The following PALD1 variants were observed in gnomAD, a reference collection of about 807,000 sequenced individuals.
PALD1 encodes paladin.
In PALD1, 57 loss-of-function variants were observed where a neutral mutation model predicts 96.0. The observed-to-expected ratio is 0.59, with a 90% confidence interval of 0.48 to 0.74. The LOEUF is 0.74. Ranked by LOEUF, PALD1 falls within the 30% of genes least tolerant of loss-of-function variation. The pLI is 0.00. For missense variants in PALD1, 1,063 were observed against 1,143.7 expected (o/e 0.93, Z 1.02); for synonymous variants, 464 against 473.6 (o/e 0.98, Z 0.26).
intron 15 of PALD1, 31 bp from the exon 16 acceptor site, chr10:70,541,071 C>G: frequency 6.4e-7 from 1 of 1,559,510 alleles, no homozygotes; most frequent in Non-Finnish European, 8.7e-7. Flanking sequence ...AAGAGACGCC[C>G]GCTGACCCAG....
chr10:70,538,441 T>C, intron 12 of PALD1, 33 bp downstream of exon 12: 2 of 1,601,964 alleles, frequency 1.2e-6, no homozygotes, highest in Non-Finnish European at 1.7e-6. Flanking sequence ...GAAGTGGGCA[T>C]GGCTGTGTAC....
intron 1 of PALD1, among the ~76,000 whole-genome samples, chr10:70,511,049 T>G (rs1317794383): frequency 2.0e-5 from 3 of 152,136 alleles, no homozygotes; most frequent in Non-Finnish European, 2.9e-5. Flanking sequence ...CAGCCCACAG[T>G]GTAGCCTGGC....
At chr10:70,547,259 G>C (rs369788712) in intron 17 of PALD1, 47 bp from the exon 18 acceptor site, 1 of 1,593,026 alleles carries the variant, frequency 6.3e-7, no homozygotes. Context: ...TTGGGCTGAG[G>C]GCTCTTACCA....
chr10:70,567,077 T>G lies in PALD1; in HGVS notation c.*344T>G, dbSNP rs1162231964. On this transcript the variant is annotated 3_prime_UTR_variant, in exon 20 of 20. Coordinates refer to ENST00000263563, the MANE Select transcript of PALD1 (RefSeq NM_014431.3). The stretch of plus-strand genomic sequence containing the variant: ...CCCCAGTTGCCAAACACTGTGGATC[T>G]CTCTGTCCTCTTCTCCCCTCTCTCA... 5 of 234,894 alleles carry G rather than the reference T, an allele frequency of 2.1e-5. No homozygotes were observed. The highest frequency in any genetic ancestry group is 3.3e-5 in the Non-Finnish European group (4 of 122,168). The allele number at this position is 234,894 out of a possible 1,614,324, so 14.6% of individuals were successfully genotyped here.
chr10:70,517,309 T>C (rs1201525921), intron 1 of PALD1, among the ~76,000 whole-genome samples: 1 of 151,996 alleles, frequency 6.6e-6, no homozygotes, highest in African/African-American at 2.4e-5. Context: ...GAGGTAGCGT[T>C]CATACAATGA....
chr10:70,551,620 CT>C (rs1253754250), intron 18 of PALD1, among the ~76,000 whole-genome samples: 1 of 151,408 alleles, frequency 6.6e-6, no homozygotes, highest in African/African-American at 2.5e-5. Context: ...GGTGAATTTC[CT>C]TTTCCTGGCC....
intron 18 of PALD1, among the ~76,000 whole-genome samples, chr10:70,557,388 G>A (rs1847632672): frequency 2.0e-5 from 3 of 152,220 alleles, no homozygotes; most frequent in Non-Finnish European, 4.4e-5. Flanking sequence ...TGTCCTCTCA[G>A]CATTGAATCT....
Position 70,541,142 on chromosome 10 carries a change from C to T in PALD1, c.1949C>T (p.Ser650Phe), listed in dbSNP as rs1322733156. The change falls in exon 16 of 20, where the codon TCC becomes TTC. Residue 650 changes from serine (S) to phenylalanine (F), a missense_variant. Coordinates refer to ENST00000263563, the MANE Select transcript of PALD1 (RefSeq NM_014431.3). ...QLLEALRAAL[S>F]KDPGTGFVFS... Reference sequence around the variant, plus strand: ...CTGGAGGCCCTGCGGGCCGCCCTCTCCAAGGACCCAGGCACTGGCTTCGTG... The same window carrying T: ...CTGGAGGCCCTGCGGGCCGCCCTCTTCAAGGACCCAGGCACTGGCTTCGTG... The T allele has an allele frequency of 5.6e-6, 9 of 1,613,176 alleles. No individual in the cohort carries two copies. The highest frequency in any genetic ancestry group is 5.0e-5 in the Admixed American group (3 of 59,856).
intron 1 of PALD1, chr10:70,485,943 T>G (rs1011180004): frequency 1.1e-5 from 2 of 175,990 alleles, no homozygotes; most frequent in Non-Finnish European, 2.6e-5. Context: ...ACTGTGGCTG[T>G]GCAGATGTTT....
rs1847866105 is a variant in PALD1, at chr10:70,566,795, G to A, written c.*62G>A. ...CACGCAGGCCTGGGGTGTCTGAGGT[G>A]CTCTTGGCTGGGAGCGGCCCTGAGG... is the stretch of plus-strand genomic sequence containing the variant. On this transcript the variant is annotated 3_prime_UTR_variant, in exon 20 of 20. Coordinates refer to ENST00000263563, the MANE Select transcript of PALD1 (RefSeq NM_014431.3). 1.7e-6 allele frequency: 2 copies of A among 1,207,718 alleles called. No individual in the cohort carries two copies. The highest frequency in any genetic ancestry group is 2.3e-6 in the Non-Finnish European group (2 of 867,468). The allele number at this position is 1,207,718 out of a possible 1,614,324, so 74.8% of individuals were successfully genotyped here.
At chr10:70,473,898 CCCCCT>C (rs1046479709), upstream of PALD1, among the ~76,000 whole-genome samples, 14 of 151,286 alleles carry the variant, frequency 9.3e-5, no homozygotes, top group African/African-American at 3.4e-4. Context: ...TCCACCCCCC[CCCCCT>C]CAGCCTCCCA....
chr10:70,561,540 T>C (rs1289976517), intron 18 of PALD1, among the ~76,000 whole-genome samples: 2 of 152,086 alleles, frequency 1.3e-5, no homozygotes, highest in African/African-American at 2.4e-5. Flanking sequence ...TTAGGTAAAA[T>C]CTTTGTTGTT....
chr10:70,563,507 G>A (rs1376945939), intron 18 of PALD1, among the ~76,000 whole-genome samples: 2 of 152,154 alleles, frequency 1.3e-5, no homozygotes, highest in Non-Finnish European at 2.9e-5. Context: ...TTAAAAGATC[G>A]ATGCCCCACA....
chr10:70,538,176 C>T (rs1847154288), intron 11 of PALD1, 104 bp from the exon 12 acceptor site: 2 of 1,247,464 alleles, frequency 1.6e-6, no homozygotes, highest in Non-Finnish European at 2.3e-6. Flanking sequence ...TGCTCTGGGC[C>T]ATGTTGGATA....
At chr10:70,471,825 C>T in the PALD1 span, among the ~76,000 whole-genome samples, 16 of 152,314 alleles carry the variant, frequency 1.1e-4, no homozygotes, top group South Asian at 2.1e-4. Flanking sequence ...TGTCTTCCAG[C>T]GCTTAGGTTC....
At chr10:70,532,926 G>A (rs537142802) in intron 6 of PALD1, 69 bp from the exon 7 acceptor site, 28 of 1,519,956 alleles carry the variant, frequency 1.8e-5, no homozygotes, top group Non-Finnish European at 2.2e-5. Context: ...AACAGTGCCC[G>A]GGAATAGGGG....
At position 70,540,866 on chromosome 10, in the gene PALD1, T is replaced by G. The variant is rs373626605; in HGVS notation, c.1909-236T>G. 2.0e-5 allele frequency among the ~76,000 whole-genome samples: 3 copies of G among 152,202 alleles called. No homozygotes were observed. The highest frequency in any genetic ancestry group is 4.8e-5 in the African/African-American group (2 of 41,450). ...AGCCCCAGGTGCATGCTGTGTTGGC[T>G]CACACATCCTGTCCAGGTGCTTGGT... is the stretch of plus-strand genomic sequence containing the variant. On this transcript the variant is annotated intron_variant, in intron 15 of 19. Transcript: ENST00000263563. This position sits in a 1 kb window ranked among gnomAD's most constrained non-coding sequence, Gnocchi z 4.2.
At chr10:70,518,326 C>T (rs1043811386) in intron 1 of PALD1, among the ~76,000 whole-genome samples, 8 of 152,192 alleles carry the variant, frequency 5.3e-5, no homozygotes, top group Non-Finnish European at 1.0e-4. Flanking sequence ...TCTTTTTCTG[C>T]ACGTATTTGC....
intron 1 of PALD1, among the ~76,000 whole-genome samples, chr10:70,497,768 C>G (rs7086277): frequency 0.34 from 50,816 of 151,662 alleles, 9,486 homozygotes; most frequent in East Asian, 0.8. Context: ...GTAGAAACAG[C>G]GTTTTACCAT....
Sources: gnomAD v4.1 joint callset for allele counts (sites outside exome capture counted in the v4.1 genomes callset) on GRCh38, gnomAD v4.1.1 for gene constraint, Gnocchi (gnomAD v3.1) non-coding constraint, MANE v1.5 for transcripts, NCBI Gene and HGNC (gene_info 2026-07-23, HGNC 2026-07-21) for gene names.